TRERF1: variants seen among roughly 807,000 people sequenced by gnomAD.
TRERF1 encodes transcriptional regulating factor 1.
TRERF1 carries 27 observed loss-of-function variants against 122.9 expected under a neutral mutation model. The ratio of observed to expected loss-of-function variants is 0.22; its 90% CI spans 0.16 to 0.30. TRERF1 has a LOEUF of 0.30. TRERF1 is among the 10% of genes least tolerant of loss of function. The probability of loss-of-function intolerance (pLI) is 1.00; values close to 1 mark genes in which losing one functional copy is unlikely to be tolerated. For missense variants in TRERF1, 1,248 were observed against 1,560.3 expected (o/e 0.80, Z 3.37); for synonymous variants, 636 against 641.7 (o/e 0.99, Z 0.13).
In TRERF1 at chr6:42,259,347, C is replaced by A. The variant is rs1453234663; in HGVS notation, c.2261G>T (p.Cys754Phe). Reference sequence around the variant, plus strand: ...CTAAAGGGGTGACTCACTGGAGCGACACAGCAGCACCCGTGGTGTGGGCGT... The same window carrying A: ...CTAAAGGGGTGACTCACTGGAGCGAAACAGCAGCACCCGTGGTGTGGGCGT... The change falls in exon 9 of 18, where the codon TGT becomes TTT. Residue 754 changes from cysteine to phenylalanine, a missense_variant. Coordinates refer to ENST00000372922, the Ensembl canonical transcript of TRERF1. The surrounding 1 kb of genome is among the most constrained non-coding windows in gnomAD (Gnocchi z 4.9). 2.0e-6 allele frequency: 3 copies of A among 1,503,500 alleles called. No individual in the cohort carries two copies. Among genetic ancestry groups the A allele is most frequent in the Non-Finnish European group, 2.6e-6 (3 of 1,136,752 alleles). 93.1% of individuals were successfully genotyped at this position (1,503,500 alleles called of 1,614,324 possible).
Position 42,259,217 on chromosome 6 carries a change from G to A in TRERF1, c.2269+122C>T. 7.6e-7 allele frequency: 1 copy of A among 1,313,094 alleles called. No homozygotes were observed. The allele number at this position is 1,313,094 out of a possible 1,614,324, so 81.3% of individuals were successfully genotyped here. Reference sequence around the variant, plus strand: ...TCTTTCTTAACACCCAGCAGCGCGTGCTACATACAGCCAATACTCCGCAAA... The same window carrying A: ...TCTTTCTTAACACCCAGCAGCGCGTACTACATACAGCCAATACTCCGCAAA... On this transcript the variant is annotated intron_variant, in intron 9 of 17. Coordinates refer to ENST00000372922, the Ensembl canonical transcript of TRERF1. This position sits in a 1 kb window ranked among gnomAD's most constrained non-coding sequence, Gnocchi z 4.9.
At chr6:42,300,012 C>A (rs943696001) in intron 4 of TRERF1, among the ~76,000 whole-genome samples, 1 of 152,230 alleles carries the variant, frequency 6.6e-6, no homozygotes, top group African/African-American at 2.4e-5. Flanking sequence ...TGACTGGCAC[C>A]AGTCTCTAGG....
At chr6:42,233,853 C>T (rs1490862718) in intron 16 of TRERF1, among the ~76,000 whole-genome samples, 1 of 152,122 alleles carries the variant, frequency 6.6e-6, no homozygotes, top group Non-Finnish European at 1.5e-5. Flanking sequence ...ACGTATTCTA[C>T]GTTGTAGATA....
chr6:42,360,059 G>A (rs756215654), intron 3 of TRERF1, among the ~76,000 whole-genome samples: 2 of 152,064 alleles, frequency 1.3e-5, no homozygotes, highest in Non-Finnish European at 2.9e-5. Flanking sequence ...TATTTGTTAC[G>A]AAGAGAATTA....
intron 3 of TRERF1, among the ~76,000 whole-genome samples, chr6:42,308,072 T>C (rs1787600435): frequency 6.6e-6 from 1 of 152,188 alleles, no homozygotes; most frequent in African/African-American, 2.4e-5. Context: ...TCTCAACACA[T>C]TTAAACATTG....
intron 17 of TRERF1, among the ~76,000 whole-genome samples, chr6:42,231,691 T>C (rs1018368969): frequency 1.2e-4 from 19 of 152,192 alleles, no homozygotes; most frequent in African/African-American, 4.3e-4. Flanking sequence ...CATTGAGAAG[T>C]ACACTGGAAT....
At chr6:42,257,358 G>A (rs1168961498) in intron 10 of TRERF1, among the ~76,000 whole-genome samples, 1 of 152,220 alleles carries the variant, frequency 6.6e-6, no homozygotes, top group East Asian at 1.9e-4. Flanking sequence ...CTGTAACTGG[G>A]AGAGGGAGGG....
intron 3 of TRERF1, among the ~76,000 whole-genome samples, chr6:42,359,746 A>C (rs1190755599): frequency 1.3e-5 from 2 of 151,858 alleles, no homozygotes; most frequent in Non-Finnish European, 2.9e-5. Context: ...AAAAACCAAC[A>C]AAAAAAACCC....
chr6:42,435,772 G>C (rs564315837), intron 2 of TRERF1, among the ~76,000 whole-genome samples: 1 of 151,276 alleles, frequency 6.6e-6, no homozygotes, highest in Non-Finnish European at 1.5e-5. Context: ...TCAAGAGATC[G>C]AGATCATCCT....
At chr6:42,427,492 C>A (rs1783803832) in intron 2 of TRERF1, among the ~76,000 whole-genome samples, 1 of 151,842 alleles carries the variant, frequency 6.6e-6, no homozygotes, top group African/African-American at 2.4e-5. Context: ...CTCAAGGGAT[C>A]CTCCTGCCTC....
At chr6:42,440,815 T>C (rs988205622) in intron 2 of TRERF1, among the ~76,000 whole-genome samples, 3 of 152,076 alleles carry the variant, frequency 2.0e-5, no homozygotes, top group African/African-American at 4.8e-5. Flanking sequence ...ACAAACTGAT[T>C]GGAGAAAGAA....
chr6:42,387,706 T>C (rs775859019), intron 2 of TRERF1, among the ~76,000 whole-genome samples: 3 of 152,370 alleles, frequency 2.0e-5, no homozygotes, highest in South Asian at 2.1e-4. Context: ...CACTTTTTAA[T>C]TGGGGGAAAA....
At chr6:42,256,271 A>G (rs1377898030) in intron 12 of TRERF1, among the ~76,000 whole-genome samples, 2 of 152,194 alleles carry the variant, frequency 1.3e-5, no homozygotes, top group African/African-American at 4.8e-5. Context: ...CCAGTTGGTG[A>G]ACAGTAAACA....
intron 3 of TRERF1, among the ~76,000 whole-genome samples, chr6:42,315,711 C>G (rs896232415): frequency 2.0e-5 from 3 of 149,446 alleles, no homozygotes; most frequent in Admixed American, 6.6e-5. Context: ...ACACCACCCC[C>G]CCCCCCACCC....
intron 4 of TRERF1, among the ~76,000 whole-genome samples, chr6:42,298,574 G>A (rs1785497667): frequency 6.7e-6 from 1 of 150,210 alleles, no homozygotes; most frequent in Non-Finnish European, 1.5e-5. Context: ...GGAGGCTGAA[G>A]TGGGTGGATC....
At chr6:42,240,212 C>T (rs948206290) in intron 15 of TRERF1, among the ~76,000 whole-genome samples, 1 of 152,220 alleles carries the variant, frequency 6.6e-6, no homozygotes, top group Non-Finnish European at 1.5e-5. Flanking sequence ...ATCAGAGCAA[C>T]TCCTATCTTC....
intron 2 of TRERF1, among the ~76,000 whole-genome samples, chr6:42,447,187 A>C (rs1009546656): frequency 5.9e-5 from 9 of 152,204 alleles, no homozygotes; most frequent in African/African-American, 2.2e-4. Context: ...ATCGTCTTCC[A>C]TGATGAAAGA....
intron 2 of TRERF1, among the ~76,000 whole-genome samples, chr6:42,423,100 T>C (rs1285585323): frequency 6.6e-6 from 1 of 152,068 alleles, no homozygotes; most frequent in East Asian, 1.9e-4. Flanking sequence ...CTGCCTCCCA[T>C]AGTGCTGGGA....
Position 42,316,627 on chromosome 6 carries a change from C to G in TRERF1, c.-370-15878G>C, listed in dbSNP as rs559441342. 8.5e-5 allele frequency among the ~76,000 whole-genome samples: 13 copies of G among 152,314 alleles called. No individual in the cohort carries two copies. The South Asian group carries it at 2.7e-3, about 32-fold the overall frequency. ...ATTCCTGGGTGTAGACCAAGCTAAC[C>G]ATGGGAGGAATTTAGTTTATTGTTT... On this transcript the variant is annotated intron_variant, in intron 3 of 17. Transcript: ENST00000372922.
Sources: allele counts gnomAD v4.1 joint callset (sites outside exome capture counted in the v4.1 genomes callset), GRCh38; gene constraint gnomAD v4.1.1; non-coding constraint Gnocchi (gnomAD v3.1); transcripts MANE v1.5; gene names NCBI Gene and HGNC (gene_info 2026-07-23, HGNC 2026-07-21).